Variants in SAMD12 observed in about 807,000 individuals in gnomAD.
The protein encoded by SAMD12 is sterile alpha motif domain containing 12, also known as sterile alpha motif domain-containing protein 12.
SAMD12 carries 9 observed loss-of-function variants against 15.0 expected under a neutral mutation model. The ratio of observed to expected loss-of-function variants is 0.60; its 90% CI spans 0.36 to 1.05. The LOEUF is 1.05. Among genes scored for constraint, SAMD12 ranks in the 50% least tolerant of loss-of-function variants. The pLI is 0.01. For missense variants in SAMD12, 230 were observed against 234.2 expected (o/e 0.98, Z 0.12); for synonymous variants, 86 against 90.1 (o/e 0.96, Z 0.25).
At chr8:118,279,684 G>A (rs1211535306) in intron 4 of SAMD12, among the ~76,000 whole-genome samples, 2 of 152,224 alleles carry the variant, frequency 1.3e-5, no homozygotes, top group Non-Finnish European at 2.9e-5. Flanking sequence ...TGCATTGTCA[G>A]TGCTTTATAT....
intron 1 of SAMD12, among the ~76,000 whole-genome samples, chr8:118,609,458 G>C (rs1828055416): frequency 6.6e-6 from 1 of 152,228 alleles, no homozygotes; most frequent in South Asian, 2.1e-4. Flanking sequence ...AGGGGAAGGA[G>C]TGGGACATCA....
intron 2 of SAMD12, among the ~76,000 whole-genome samples, chr8:118,556,652 C>T (rs1434817247): frequency 6.6e-6 from 1 of 152,154 alleles, no homozygotes; most frequent in African/African-American, 2.4e-5. Context: ...CCTCAAGAAA[C>T]TCACAATCTG....
chr8:118,424,855 T>A (rs941483963), intron 3 of SAMD12, among the ~76,000 whole-genome samples: 9 of 152,132 alleles, frequency 5.9e-5, no homozygotes, highest in Non-Finnish European at 1.0e-4. Flanking sequence ...CTCTAATAGG[T>A]CTAATTTTTG....
At chr8:118,564,549 T>A (rs1826797684) in intron 2 of SAMD12, among the ~76,000 whole-genome samples, 1 of 152,172 alleles carries the variant, frequency 6.6e-6, no homozygotes, top group Non-Finnish European at 1.5e-5. Flanking sequence ...AGTCTCTCTG[T>A]CTGGTAAAAA....
chr8:118,621,580 C>T (rs903032158), intron 1 of SAMD12: 7 of 593,630 alleles, frequency 1.2e-5, no homozygotes, highest in African/African-American at 3.7e-5. Context: ...CCTCCTACCT[C>T]AAAGTCCTAC....
chr8:118,574,586 A>C (rs1827102958), intron 2 of SAMD12, among the ~76,000 whole-genome samples: 1 of 152,178 alleles, frequency 6.6e-6, no homozygotes, highest in African/African-American at 2.4e-5. Context: ...TAAATATATC[A>C]TATTAATTGT....
At chr8:118,188,504 CCAAA>C (rs1324312791), downstream of SAMD12, among the ~76,000 whole-genome samples, 1 of 152,224 alleles carries the variant, frequency 6.6e-6, no homozygotes, top group Admixed American at 6.5e-5. Flanking sequence ...TCTCAGAAAA[CCAAA>C]CAAACACTAG....
At chr8:118,592,865 A>T (rs1452322805) in intron 1 of SAMD12, among the ~76,000 whole-genome samples, 1 of 152,196 alleles carries the variant, frequency 6.6e-6, no homozygotes, top group African/African-American at 2.4e-5. Flanking sequence ...CTGTTCTGGA[A>T]ATAAAAACAA....
At chr8:118,539,717 A>G (rs1563571099) in intron 2 of SAMD12, among the ~76,000 whole-genome samples, 1 of 152,200 alleles carries the variant, frequency 6.6e-6, no homozygotes, top group Non-Finnish European at 1.5e-5. Flanking sequence ...GGCATGAGGA[A>G]GTCAAGTCAG....
At chr8:118,293,314 C>T (rs1814519311) in intron 4 of SAMD12, among the ~76,000 whole-genome samples, 1 of 152,180 alleles carries the variant, frequency 6.6e-6, no homozygotes, top group Non-Finnish European at 1.5e-5. Flanking sequence ...AAGTGTTCAG[C>T]TGTGGATTTT....
downstream of SAMD12, among the ~76,000 whole-genome samples, chr8:118,377,560 T>G (rs913936949): frequency 2.6e-5 from 4 of 152,136 alleles, no homozygotes; most frequent in African/African-American, 9.7e-5. Context: ...CTCAAGAAAG[T>G]GACAACAACA....
At chr8:118,228,794 C>T (rs1474143536) in intron 4 of SAMD12, among the ~76,000 whole-genome samples, 1 of 152,056 alleles carries the variant, frequency 6.6e-6, no homozygotes, top group African/African-American at 2.4e-5. Flanking sequence ...TGGGTATCTA[C>T]CCAGAGGAAA....
chr8:118,286,895 C>G (rs1181298881), intron 4 of SAMD12, among the ~76,000 whole-genome samples: 3 of 152,296 alleles, frequency 2.0e-5, no homozygotes, highest in Admixed American at 6.5e-5. Context: ...CTGTACCCAT[C>G]ATGTTGACTA....
chr8:118,396,707 G>A (rs1049569644), intron 3 of SAMD12, among the ~76,000 whole-genome samples: 1 of 152,220 alleles, frequency 6.6e-6, no homozygotes, highest in African/African-American at 2.4e-5. Context: ...TAGGAAGGCT[G>A]CGCCTGTTTA....
intron 2 of SAMD12, among the ~76,000 whole-genome samples, chr8:118,456,959 C>T (rs904095745): frequency 1.3e-5 from 2 of 152,168 alleles, no homozygotes; most frequent in African/African-American, 4.8e-5. Flanking sequence ...CATTCACTAG[C>T]TGTGTTACTC....
chr8:118,421,051 C>A (rs1426183713), intron 3 of SAMD12, among the ~76,000 whole-genome samples: 1 of 152,188 alleles, frequency 6.6e-6, no homozygotes, highest in Non-Finnish European at 1.5e-5. Context: ...TTTGCCTAAA[C>A]CCAGTTTAGA....
chr8:118,472,767 T>A (rs936306476), intron 2 of SAMD12, among the ~76,000 whole-genome samples: 3 of 130,412 alleles, frequency 2.3e-5, no homozygotes, highest in Non-Finnish European at 3.6e-5. Context: ...TAGAAGAAAG[T>A]GGCTGGTTAC....
the SAMD12 span, among the ~76,000 whole-genome samples, chr8:118,173,300 G>A: frequency 6.6e-6 from 1 of 151,968 alleles, no homozygotes; most frequent in Non-Finnish European, 1.5e-5. Context: ...TAGGCCTGCC[G>A]CTGTAATGGG....
chr8:118,276,388 C>T (rs924343791), intron 4 of SAMD12, among the ~76,000 whole-genome samples: 5 of 152,136 alleles, frequency 3.3e-5, no homozygotes, highest in African/African-American at 1.2e-4. Flanking sequence ...TAGTATACTA[C>T]TTGTTGCCTT....
Sources: gnomAD v4.1 joint callset for allele counts (sites outside exome capture counted in the v4.1 genomes callset) on GRCh38, gnomAD v4.1.1 for gene constraint, MANE v1.5 for transcripts, NCBI Gene and HGNC (gene_info 2026-07-23, HGNC 2026-07-21) for gene names.